TUSC3: variants seen among roughly 807,000 people sequenced by gnomAD.
TUSC3 encodes tumor suppressor candidate 3.
Under a neutral mutation model 44.8 loss-of-function variants are expected in TUSC3, and 45 were observed. That is an observed-to-expected ratio of 1.00 (90% CI 0.79 to 1.29). The LOEUF (loss-of-function observed/expected upper bound fraction) is 1.29. TUSC3 is among the 50% of genes most tolerant of loss of function. The pLI is 0.00. For synonymous variants in TUSC3, 212 were observed against 152.9 expected (o/e 1.39, Z -2.85); for missense variants, 519 against 437.9 (o/e 1.19, Z -1.65).
intron 3 of TUSC3, among the ~76,000 whole-genome samples, chr8:15,655,149 C>G (rs1807096503): frequency 6.6e-6 from 1 of 152,106 alleles, no homozygotes; most frequent in Non-Finnish European, 1.5e-5. Flanking sequence ...GTTAAACTGT[C>G]TTGCTAAAAT....
intron 1 of TUSC3, among the ~76,000 whole-genome samples, chr8:15,443,168 C>T (rs993764690): frequency 6.6e-6 from 1 of 151,540 alleles, no homozygotes; most frequent in Non-Finnish European, 1.5e-5. Flanking sequence ...TCCTTCCTTC[C>T]TTCCTTTCTT....
At position 15,540,571 on chromosome 8, in the gene TUSC3, A is replaced by AGAATG; in HGVS notation, c.138+6_138+10dup. On this transcript the variant is annotated splice_donor_region_variant and intron_variant, in intron 1 of 10. Coordinates refer to ENST00000503731, the MANE Select transcript of TUSC3 (RefSeq NM_006765.4). ...GGGGAGGACAGAAGAAAAAGGAGGT[A>AGAATG]GAATGGATCCCCTTGGCCTTCCCCT... 1 of 1,578,422 alleles carries AGAATG rather than the reference A, an allele frequency of 6.3e-7. No individual in the cohort carries two copies.
chr8:15,670,456 T>G lies in TUSC3; in HGVS notation c.709-3291T>G, dbSNP rs933133114. Among the ~76,000 whole-genome samples, 3 of 151,854 alleles carry G rather than the reference T, an allele frequency of 2.0e-5. No individual in the cohort carries two copies. In the East Asian group the frequency reaches 5.8e-4, roughly 29 times the overall value. On this transcript the variant is annotated intron_variant, in intron 5 of 10. Coordinates refer to ENST00000503731, the MANE Select transcript of TUSC3 (RefSeq NM_006765.4). ...TGCAGTGCAGTGAGTAAGTATGGCA[T>G]TTTTGATAAATATTGCCGAGCCAAC...
At chr8:15,644,410 A>G (rs1034924406) in intron 2 of TUSC3, among the ~76,000 whole-genome samples, 16 of 152,306 alleles carry the variant, frequency 1.1e-4, no homozygotes, top group African/African-American at 3.6e-4. Flanking sequence ...TAGTGTTGGA[A>G]ATGTAGTCAT....
At chr8:15,569,196 C>A (rs946106584) in intron 1 of TUSC3, among the ~76,000 whole-genome samples, 1 of 152,118 alleles carries the variant, frequency 6.6e-6, no homozygotes, top group Non-Finnish European at 1.5e-5. Flanking sequence ...TCTGCTTCTG[C>A]ATTTGGCATA....
intron 2 of TUSC3, among the ~76,000 whole-genome samples, chr8:15,631,968 A>C (rs539844403): frequency 1.3e-5 from 2 of 152,212 alleles, no homozygotes; most frequent in African/African-American, 4.8e-5. Flanking sequence ...TGGCCTCCCA[A>C]AGTGCTGGGA....
upstream of TUSC3, among the ~76,000 whole-genome samples, chr8:15,535,680 C>A (rs1014768647): frequency 2.6e-5 from 4 of 152,076 alleles, no homozygotes; most frequent in Admixed American, 1.3e-4. Context: ...ATGGAGTTTG[C>A]ATCCTAACGG....
intron 1 of TUSC3, among the ~76,000 whole-genome samples, chr8:15,553,986 C>T (rs1802144561): frequency 6.6e-6 from 1 of 151,554 alleles, no homozygotes; most frequent in African/African-American, 2.4e-5. Context: ...GCATATACAC[C>T]ATACAAATTT....
chr8:15,667,154 A>G lies in TUSC3; in HGVS notation c.708+4858A>G, dbSNP rs566025861. 2.0e-5 allele frequency among the ~76,000 whole-genome samples: 3 copies of G among 151,782 alleles called. No homozygotes were observed. The South Asian group carries it at 6.2e-4, about 31-fold the overall frequency. The stretch of plus-strand genomic sequence containing the variant: ...TCCTTAATCCAACTCAATAGTGGTT[A>G]TAAATACTTGTTGAAATTGTTATCC... On this transcript the variant is annotated intron_variant, in intron 5 of 10. Coordinates refer to ENST00000503731, the MANE Select transcript of TUSC3 (RefSeq NM_006765.4).
At chr8:15,459,854 G>C (rs2410271) in intron 1 of TUSC3, among the ~76,000 whole-genome samples, 2 of 140,440 alleles carry the variant, frequency 1.4e-5, no homozygotes, top group Non-Finnish European at 3.0e-5. Context: ...GTGTGTGTGT[G>C]TATGTGTGTG....
rs548781770 is a variant in TUSC3 at position 15,556,427 on chromosome 8, A to T, written c.138+15859A>T. Among the ~76,000 whole-genome samples the T allele has an allele frequency of 3.3e-5, 5 of 151,466 alleles. No homozygotes were observed. In the South Asian group the frequency reaches 1.1e-3, roughly 32 times the overall value. On this transcript the variant is annotated intron_variant, in intron 1 of 10. Coordinates refer to ENST00000503731, the MANE Select transcript of TUSC3 (RefSeq NM_006765.4). ...ATTGTTGGACATTTGGGTTGGTTCC[A>T]AGTCTTTGCTGTTGTGAATAATGCC...
At chr8:15,427,510 G>T (rs1389381684) in intron 1 of TUSC3, among the ~76,000 whole-genome samples, 1 of 152,160 alleles carries the variant, frequency 6.6e-6, no homozygotes, top group East Asian at 1.9e-4. Flanking sequence ...GATGCCAGAA[G>T]TATGCCAACG....
chr8:15,498,904 C>CT (rs1276773280), intron 2 of TUSC3, among the ~76,000 whole-genome samples: 1 of 152,192 alleles, frequency 6.6e-6, no homozygotes, highest in African/African-American at 2.4e-5. Context: ...TCCCATATTA[C>CT]TTATAGTGTT....
chr8:15,562,973 A>G (rs1470553403), intron 1 of TUSC3, among the ~76,000 whole-genome samples: 1 of 150,804 alleles, frequency 6.6e-6, no homozygotes, highest in Non-Finnish European at 1.5e-5. Flanking sequence ...CTGTTCTGCT[A>G]TATCACAGGT....
At chr8:15,803,422 A>G in the TUSC3 span, among the ~76,000 whole-genome samples, 2 of 152,194 alleles carry the variant, frequency 1.3e-5, no homozygotes, top group South Asian at 2.1e-4. Context: ...AACATTTCCA[A>G]TTGAAGATGA....
At position 15,748,533 on chromosome 8, in the gene TUSC3, A is replaced by G. The variant is rs17121904; in HGVS notation, c.1028+68A>G. On this transcript the variant is annotated intron_variant, in intron 9 of 10. Transcript: ENST00000503731. The stretch of plus-strand genomic sequence containing the variant: ...ATAGAACAGAGTTTCAGTGGTTAAT[A>G]TATAATTAAGGATGAATGTAAAGTT... 5.5e-3 allele frequency: 7,338 copies of G among 1,344,176 alleles called. 274 individuals are homozygous for G. The African/African-American group carries it at 0.089, about 16-fold the overall frequency. 83.3% of individuals were successfully genotyped at this position (1,344,176 alleles called of 1,614,324 possible). A position where few individuals can be genotyped will look rare whatever the true frequency, so the allele number is the denominator to read the frequency against.
At chr8:15,425,174 T>C (rs1043275551) in intron 1 of TUSC3, among the ~76,000 whole-genome samples, 53 of 152,070 alleles carry the variant, frequency 3.5e-4, no homozygotes, top group South Asian at 2.1e-4. Context: ...GGATGGGAGA[T>C]TAAATGAAGT....
intron 6 of TUSC3, among the ~76,000 whole-genome samples, chr8:15,714,168 A>G (rs1395810044): frequency 6.6e-6 from 1 of 152,176 alleles, no homozygotes; most frequent in African/African-American, 2.4e-5. Context: ...ATTGCATTAT[A>G]TAACTTAAAA....
chr8:15,484,907 T>C (rs1481221444), intron 2 of TUSC3, among the ~76,000 whole-genome samples: 1 of 152,234 alleles, frequency 6.6e-6, no homozygotes, highest in African/African-American at 2.4e-5. Context: ...AACAGGAAAT[T>C]GAGAAAACTA....
Sources: allele counts gnomAD v4.1 joint callset (sites outside exome capture counted in the v4.1 genomes callset), GRCh38; gene constraint gnomAD v4.1.1; transcripts MANE v1.5; gene names NCBI Gene and HGNC (gene_info 2026-07-23, HGNC 2026-07-21).